FNBP1: variants seen among roughly 807,000 people sequenced by gnomAD.
The protein encoded by FNBP1 is formin binding protein 1.
In FNBP1, 26 loss-of-function variants were observed where a neutral mutation model predicts 90.6. That is an observed-to-expected ratio of 0.29 (90% CI 0.21 to 0.40). The LOEUF (loss-of-function observed/expected upper bound fraction) is 0.40. Among genes scored for constraint, FNBP1 ranks in the 10% least tolerant of loss-of-function variants. FNBP1 has a pLI of 1.00. For synonymous variants in FNBP1, 260 were observed against 265.2 expected (o/e 0.98, Z 0.19); for missense variants, 635 against 768.0 (o/e 0.83, Z 2.05).
chr9:130,050,164 G>A, the FNBP1 span, among the ~76,000 whole-genome samples: 9 of 152,028 alleles, frequency 5.9e-5, no homozygotes, highest in Middle Eastern at 3.4e-3. Context: ...TTTTGCATTC[G>A]AACTACTTAC....
rs2047132887 is a variant in FNBP1, at chr9:129,957,490, A to C, written c.409-26T>G. The C allele has an allele frequency of 6.7e-7, 1 of 1,497,874 alleles. No homozygotes were observed. Among genetic ancestry groups the C allele is most frequent in the African/African-American group, 1.4e-5 (1 of 72,794 alleles). The allele number at this position is 1,497,874 out of a possible 1,614,324, so 92.8% of individuals were successfully genotyped here. Reference sequence around the variant, plus strand: ...CTAAAATCAGAGGAAAATAATTATGAAACCATAAGAGTCCTACGAGAAGAT... The same window carrying C: ...CTAAAATCAGAGGAAAATAATTATGCAACCATAAGAGTCCTACGAGAAGAT... On this transcript the variant is annotated intron_variant, in intron 5 of 16. Coordinates refer to ENST00000446176, the MANE Select transcript of FNBP1 (RefSeq NM_015033.3). This position sits in a 1 kb window ranked among gnomAD's most constrained non-coding sequence, Gnocchi z 4.3.
rs181561197 is a variant in FNBP1, at chr9:129,893,788, C to T, written c.1846+2050G>A. Among the ~76,000 whole-genome samples, 249 of 151,472 alleles carry T rather than the reference C, an allele frequency of 1.6e-3. 2 individuals carry two copies. Among genetic ancestry groups the T allele is most frequent in the Non-Finnish European group, 2.9e-3 (197 of 67,862 alleles). ...AAAATTAGCTGGGCATGGTGGCACA[C>T]GCCTGTAGTCCCAGCTACTTGGGAG... On this transcript the variant is annotated intron_variant, in intron 16 of 16. Transcript: ENST00000446176.
At chr9:129,984,379 C>T (rs1392157712) in intron 2 of FNBP1, among the ~76,000 whole-genome samples, 2 of 152,216 alleles carry the variant, frequency 1.3e-5, no homozygotes, top group African/African-American at 4.8e-5. Flanking sequence ...AGAATGGGTG[C>T]TGACTCCTTC....
intron 1 of FNBP1, among the ~76,000 whole-genome samples, chr9:130,016,405 T>C (rs980243999): frequency 1.3e-5 from 2 of 152,180 alleles, no homozygotes; most frequent in Non-Finnish European, 2.9e-5. Flanking sequence ...CATCCCCCAC[T>C]ATCAGTCAAG....
intron 1 of FNBP1, among the ~76,000 whole-genome samples, chr9:129,996,596 G>A (rs1228272848): frequency 6.6e-6 from 1 of 152,178 alleles, no homozygotes; most frequent in Admixed American, 6.6e-5. Flanking sequence ...TGCGAAATGG[G>A]GAAGTGCCAA....
intron 12 of FNBP1, among the ~76,000 whole-genome samples, chr9:129,906,353 G>A (rs2038055795): frequency 6.6e-6 from 1 of 152,094 alleles, no homozygotes; most frequent in Non-Finnish European, 1.5e-5. Context: ...ATATGGTTTA[G>A]CTGTGCCCTG....
Position 130,042,177 on chromosome 9 carries a change from G to A in FNBP1, c.24+775C>T, listed in dbSNP as rs962411349. ...GCGCATCCCCCGGCCAAGCATCCCC[G>A]CAAGGCGCCCCTCACCGCCAACTTT... is the stretch of plus-strand genomic sequence containing the variant. On this transcript the variant is annotated intron_variant, in intron 1 of 16. Coordinates refer to ENST00000446176, the MANE Select transcript of FNBP1 (RefSeq NM_015033.3). This position sits in a 1 kb window ranked among gnomAD's most constrained non-coding sequence, Gnocchi z 5.5. Among the ~76,000 whole-genome samples, 1 of 151,914 alleles carries A rather than the reference G, an allele frequency of 6.6e-6. No individual in the cohort carries two copies. The highest frequency in any genetic ancestry group is 6.6e-5 in the Admixed American group (1 of 15,230).
rs555910287 is a variant in FNBP1, at chr9:130,004,305, C to T, written c.25-9347G>A. ...TACTAAACCAACATTAATTCAAAAT[C>T]CCTGGAATAAGCCAATCTAGTAAGA... On this transcript the variant is annotated intron_variant, in intron 1 of 16. Coordinates refer to ENST00000446176, the MANE Select transcript of FNBP1 (RefSeq NM_015033.3). Among the ~76,000 whole-genome samples, 4 of 151,968 alleles carry T rather than the reference C, an allele frequency of 2.6e-5. No homozygotes were observed. In the East Asian group the frequency reaches 7.7e-4, roughly 29 times the overall value.
intron 2 of FNBP1, among the ~76,000 whole-genome samples, chr9:129,984,041 C>T (rs1205261274): frequency 6.6e-6 from 1 of 152,022 alleles, no homozygotes; most frequent in East Asian, 1.9e-4. Flanking sequence ...TGAAGAACCA[C>T]AGGAAGGCTT....
chr9:130,047,593 A>G (rs1419089896), upstream of FNBP1, among the ~76,000 whole-genome samples: 1 of 152,212 alleles, frequency 6.6e-6, no homozygotes, highest in African/African-American at 2.4e-5. Flanking sequence ...AGCCTGGGCA[A>G]CAGAGCGAGA....
chr9:130,000,586 T>C (rs985454269), intron 1 of FNBP1, among the ~76,000 whole-genome samples: 16 of 151,996 alleles, frequency 1.1e-4, no homozygotes, highest in Non-Finnish European at 1.9e-4. Context: ...TTGTAAAATA[T>C]TTTTTTTGAA....
At chr9:129,938,290 T>C (rs893725933) in intron 6 of FNBP1, among the ~76,000 whole-genome samples, 3 of 152,214 alleles carry the variant, frequency 2.0e-5, no homozygotes, top group African/African-American at 7.2e-5. Flanking sequence ...TAAACGGCAT[T>C]GTTTAAATTT....
At chr9:129,899,882 G>A (rs2036576006) in intron 15 of FNBP1, 83 bp downstream of exon 15, 1 of 1,252,780 alleles carries the variant, frequency 8.0e-7, no homozygotes, top group East Asian at 2.8e-5. Flanking sequence ...CAGAAGGAAG[G>A]AAGGAAGGAA....
At chr9:130,022,718 G>A (rs1032007495) in intron 1 of FNBP1, among the ~76,000 whole-genome samples, 30 of 151,778 alleles carry the variant, frequency 2.0e-4, no homozygotes, top group Non-Finnish European at 3.1e-4. Flanking sequence ...TGTGCAGTAT[G>A]CTGGTGTGCA....
At chr9:130,016,265 G>T (rs2057227163) in intron 1 of FNBP1, among the ~76,000 whole-genome samples, 1 of 152,128 alleles carries the variant, frequency 6.6e-6, no homozygotes, top group Non-Finnish European at 1.5e-5. Context: ...TCATGAGGGT[G>T]GGCCCCTTGT....
chr9:129,919,795 T>C (rs1440179247), intron 10 of FNBP1, among the ~76,000 whole-genome samples: 1 of 152,336 alleles, frequency 6.6e-6, no homozygotes, highest in East Asian at 1.9e-4. Context: ...TCAGGAACTT[T>C]TTCTAGTTAA....
chr9:129,957,919 CATTT>C lies in FNBP1; in HGVS notation c.409-459_409-456del, dbSNP rs2047196120. ...TTTCTAGAAGTTATTTTAAAATCTGCATTTATTTCCATCAAAACTGTCTAATCTT... is the reference window on the plus strand; with the variant it reads ...TTTCTAGAAGTTATTTTAAAATCTGCATTTCCATCAAAACTGTCTAATCTT... On this transcript the variant is annotated intron_variant, in intron 5 of 16. Transcript: ENST00000446176. The surrounding 1 kb of genome is among the most constrained non-coding windows in gnomAD (Gnocchi z 4.3). 1.3e-5 allele frequency among the ~76,000 whole-genome samples: 2 copies of C among 152,126 alleles called. No individual in the cohort carries two copies. The highest frequency in any genetic ancestry group is 2.9e-5 in the Non-Finnish European group (2 of 68,026).
intron 1 of FNBP1, among the ~76,000 whole-genome samples, chr9:130,024,820 T>C (rs1386006623): frequency 3.3e-5 from 5 of 152,188 alleles, no homozygotes; most frequent in Admixed American, 1.3e-4. Flanking sequence ...TTATCTACCT[T>C]ACTCACTTGC....
intron 13 of FNBP1, among the ~76,000 whole-genome samples, chr9:129,901,122 G>C (rs2036850316): frequency 6.6e-6 from 1 of 152,176 alleles, no homozygotes; most frequent in Non-Finnish European, 1.5e-5. Flanking sequence ...AAAATGACGA[G>C]AAGGCCGGGC....
Sources: allele counts gnomAD v4.1 joint callset (sites outside exome capture counted in the v4.1 genomes callset), GRCh38; gene constraint gnomAD v4.1.1; non-coding constraint Gnocchi (gnomAD v3.1); transcripts MANE v1.5; gene names NCBI Gene and HGNC (gene_info 2026-07-23, HGNC 2026-07-21).